The following RHOJ variants were observed in gnomAD, a reference collection of about 807,000 sequenced individuals.
RHOJ encodes the protein rho-related GTP-binding protein RhoJ.
RHOJ carries 11 observed loss-of-function variants against 23.4 expected under a neutral mutation model. That is an observed-to-expected ratio of 0.47 (90% CI 0.30 to 0.78). The LOEUF is 0.78. Ranked by LOEUF, RHOJ falls within the 30% of genes least tolerant of loss-of-function variation. RHOJ has a pLI of 0.08. For synonymous variants in RHOJ, 102 were observed against 102.7 expected, an observed-to-expected ratio of 0.99 and a Z score of 0.04; for missense variants, 254 against 273.4, an observed-to-expected ratio of 0.93 and a Z score of 0.50.
At chr14:63,228,376 G>A (rs1468581260) in intron 1 of RHOJ, among the ~76,000 whole-genome samples, 1 of 152,094 alleles carries the variant, frequency 6.6e-6, no homozygotes. Flanking sequence ...TCATACATGT[G>A]CAGAATGACT....
intron 1 of RHOJ, 42 bp downstream of exon 1, chr14:63,205,089 G>A: frequency 6.3e-7 from 1 of 1,587,742 alleles, no homozygotes; most frequent in Non-Finnish European, 8.6e-7. Flanking sequence ...GACAAACGAT[G>A]CAGGGGGCGA....
intron 1 of RHOJ, among the ~76,000 whole-genome samples, chr14:63,237,572 C>T (rs981032200): frequency 1.3e-5 from 2 of 152,142 alleles, no homozygotes; most frequent in African/African-American, 4.8e-5. Flanking sequence ...TCCTGTTAGC[C>T]ATGACTCAAA....
At chr14:63,209,697 G>C (rs1336548362) in intron 1 of RHOJ, among the ~76,000 whole-genome samples, 1 of 152,134 alleles carries the variant, frequency 6.6e-6, no homozygotes, top group Non-Finnish European at 1.5e-5. Flanking sequence ...TCTCAACTCA[G>C]ATTATTCTCA....
chr14:63,281,542 G>C (rs184120239), intron 3 of RHOJ, among the ~76,000 whole-genome samples: 4 of 152,118 alleles, frequency 2.6e-5, no homozygotes, highest in African/African-American at 9.6e-5. Flanking sequence ...GGTGACCACA[G>C]CAATCAGAAT....
intron 1 of RHOJ, among the ~76,000 whole-genome samples, chr14:63,231,778 T>C (rs912055558): frequency 2.0e-5 from 3 of 152,272 alleles, no homozygotes; most frequent in African/African-American, 4.8e-5. Context: ...GCTTCTGCTA[T>C]TGTTGTTTCT....
intron 2 of RHOJ, among the ~76,000 whole-genome samples, chr14:63,271,656 G>A (rs1464039292): frequency 7.9e-5 from 12 of 152,166 alleles, no homozygotes; most frequent in East Asian, 1.9e-4. Flanking sequence ...GCGCAGTGGC[G>A]CAATCTTGGA....
chr14:63,252,508 C>T (rs1277610242), intron 1 of RHOJ, among the ~76,000 whole-genome samples: 1 of 152,154 alleles, frequency 6.6e-6, no homozygotes, highest in Non-Finnish European at 1.5e-5. Context: ...ACTTTTCATC[C>T]TGAAAAAGTA....
At chr14:63,274,441 T>C (rs548563400) in intron 2 of RHOJ, among the ~76,000 whole-genome samples, 1 of 152,120 alleles carries the variant, frequency 6.6e-6, no homozygotes, top group Non-Finnish European at 1.5e-5. Context: ...AAGAGAGCTG[T>C]AGGAACACTG....
chr14:63,217,554 G>C (rs534143659), intron 1 of RHOJ, among the ~76,000 whole-genome samples: 2 of 152,030 alleles, frequency 1.3e-5, no homozygotes, highest in East Asian at 3.9e-4. Flanking sequence ...ATGGATTAAA[G>C]ACTTAAACGT....
intron 2 of RHOJ, among the ~76,000 whole-genome samples, chr14:63,270,660 G>A (rs1294420942): frequency 2.6e-5 from 4 of 152,122 alleles, no homozygotes; most frequent in Non-Finnish European, 5.9e-5. Context: ...TAATCACTGG[G>A]GTGTCCCCAT....
rs538669556 is a variant in RHOJ at position 63,223,410 on chromosome 14, C to T, written c.178+18363C>T. Reference sequence around the variant, plus strand: ...CATGACATGTTTAACAATTACCCTACTCTCCCATCATCTCAGGATCTACAA... The same window carrying T: ...CATGACATGTTTAACAATTACCCTATTCTCCCATCATCTCAGGATCTACAA... On this transcript the variant is annotated intron_variant, in intron 1 of 4. Coordinates refer to ENST00000316754, the MANE Select transcript of RHOJ (RefSeq NM_020663.5). Among the ~76,000 whole-genome samples the T allele has an allele frequency of 2.0e-5, 3 of 152,318 alleles. No individual in the cohort carries two copies. In the East Asian group the frequency reaches 5.8e-4, roughly 29 times the overall value.
intron 1 of RHOJ, among the ~76,000 whole-genome samples, chr14:63,231,610 AGT>A (rs1415948165): frequency 6.6e-6 from 1 of 152,244 alleles, no homozygotes; most frequent in African/African-American, 2.4e-5. Flanking sequence ...TCGGTATTGC[AGT>A]GGTGACTTGA....
intron 1 of RHOJ, among the ~76,000 whole-genome samples, chr14:63,210,951 C>G (rs79800327): frequency 0.012 from 1,892 of 152,246 alleles, 41 homozygotes; most frequent in African/African-American, 0.042. Flanking sequence ...TTTGGAAAAC[C>G]ACATGAAGCC....
rs986923022 is a variant in RHOJ, at chr14:63,261,736, T to G, written c.179-7374T>G. Among the ~76,000 whole-genome samples, 7 of 152,140 alleles carry G rather than the reference T, an allele frequency of 4.6e-5. No individual in the cohort carries two copies. In the South Asian group the frequency reaches 1.4e-3, roughly 31 times the overall value. On this transcript the variant is annotated intron_variant, in intron 1 of 4. Transcript: ENST00000316754. The stretch of plus-strand genomic sequence containing the variant: ...AATTACAGGCATGAGCCACTGCACT[T>G]AGCCTAACATTGCTTTTTAAATATT...
intron 1 of RHOJ, among the ~76,000 whole-genome samples, chr14:63,244,654 A>G (rs184088321): frequency 4.6e-5 from 7 of 152,318 alleles, no homozygotes; most frequent in Admixed American, 3.3e-4. Context: ...ATTTTTAAAC[A>G]CCCATCAAAT....
At chr14:63,243,443 G>A (rs182581132) in intron 1 of RHOJ, among the ~76,000 whole-genome samples, 11 of 152,230 alleles carry the variant, frequency 7.2e-5, no homozygotes, top group South Asian at 2.1e-4. Context: ...GGGCTCAAGC[G>A]ATTCTCCTGC....
intron 1 of RHOJ, among the ~76,000 whole-genome samples, chr14:63,227,346 C>T (rs1894614044): frequency 6.6e-6 from 1 of 152,154 alleles, no homozygotes; most frequent in Admixed American, 6.5e-5. Context: ...ATATTGGTCT[C>T]ATGAGGCTTT....
At chr14:63,207,039 T>C (rs546647837) in intron 1 of RHOJ, among the ~76,000 whole-genome samples, 2 of 151,332 alleles carry the variant, frequency 1.3e-5, no homozygotes, top group African/African-American at 4.8e-5. Flanking sequence ...TCTTTTCTTT[T>C]TTTTTTTTTT....
At chr14:63,277,691 C>T (rs1881769268) in intron 2 of RHOJ, among the ~76,000 whole-genome samples, 1 of 152,140 alleles carries the variant, frequency 6.6e-6, no homozygotes, top group South Asian at 2.1e-4. Context: ...AAAAAATCAA[C>T]ATGGTCCCTA....
Sources: gnomAD v4.1 joint callset for allele counts (sites outside exome capture counted in the v4.1 genomes callset) on GRCh38, gnomAD v4.1.1 for gene constraint, MANE v1.5 for transcripts, NCBI Gene and HGNC (gene_info 2026-07-23, HGNC 2026-07-21) for gene names.